The following CTNNA2 variants were observed in gnomAD, a reference collection of about 807,000 sequenced individuals.
CTNNA2 encodes the protein catenin alpha-2.
In CTNNA2, 42 loss-of-function variants were observed where a neutral mutation model predicts 101.0. The ratio of observed to expected loss-of-function variants is 0.42; its 90% CI spans 0.32 to 0.54. The LOEUF is 0.54. CTNNA2 is among the 20% of genes least tolerant of loss of function. The pLI is 0.14. For synonymous variants in CTNNA2, 450 were observed against 456.4 expected, an observed-to-expected ratio of 0.99 and a Z score of 0.18; for missense variants, 871 against 1,223.1, an observed-to-expected ratio of 0.71 and a Z score of 4.29.
At chr2:80,095,177 C>T (rs1700067226) in intron 7 of CTNNA2, among the ~76,000 whole-genome samples, 4 of 152,160 alleles carry the variant, frequency 2.6e-5, no homozygotes, top group Non-Finnish European at 5.9e-5. Flanking sequence ...AGATATGTCC[C>T]ATCAATACCT....
intron 4 of CTNNA2, among the ~76,000 whole-genome samples, chr2:79,449,492 C>T (rs1390143378): frequency 6.6e-6 from 1 of 151,866 alleles, no homozygotes; most frequent in Non-Finnish European, 1.5e-5. Flanking sequence ...AAGAAATACT[C>T]ATTCAAATAA....
rs1706474838 is a variant in CTNNA2 at position 80,191,162 on chromosome 2, CTT to C, written c.1057-202048_1057-202047del. Among the ~76,000 whole-genome samples the C allele has an allele frequency of 2.0e-5, 3 of 152,142 alleles. No individual in the cohort carries two copies. In the South Asian group the frequency reaches 6.2e-4, roughly 31 times the overall value. Reference sequence around the variant, plus strand: ...AGGAGATGACCACTTTTGTGCTTTCCTTGTCTGAGGAAATTTGCAATTTGCCA... The same window carrying C: ...AGGAGATGACCACTTTTGTGCTTTCCGTCTGAGGAAATTTGCAATTTGCCA... On this transcript the variant is annotated intron_variant, in intron 7 of 18. Transcript: ENST00000402739.
In CTNNA2 at chr2:79,447,003, G is replaced by A. The variant is rs529721942; in HGVS notation, c.-134-58051G>A. On this transcript the variant is annotated intron_variant, in intron 4 of 21. Transcript: ENST00000466387. The stretch of plus-strand genomic sequence containing the variant: ...TAATGGCTTTGATAAATAATGGCCT[G>A]AATATATAGATGTACAGTTCCAAAT... Among the ~76,000 whole-genome samples the A allele has an allele frequency of 1.6e-4, 24 of 152,054 alleles. No homozygotes were observed. The South Asian group carries it at 2.7e-3, about 17-fold the overall frequency.
chr2:79,488,350 T>TCAAACACA (rs1238386288), intron 4 of CTNNA2, among the ~76,000 whole-genome samples: 6 of 147,716 alleles, frequency 4.1e-5, no homozygotes, highest in Admixed American at 1.3e-4. Context: ...AAAACACAGT[T>TCAAACACA]CAAACACATG....
chr2:80,281,937 T>C (rs905053549), intron 7 of CTNNA2, among the ~76,000 whole-genome samples: 1 of 149,276 alleles, frequency 6.7e-6, no homozygotes, highest in East Asian at 1.9e-4. Flanking sequence ...AATAGGTTTT[T>C]GGAAAGTTTT....
At chr2:80,162,679 G>A (rs563665035) in intron 7 of CTNNA2, 948 of 1,612,482 alleles carry the variant, frequency 5.9e-4, no homozygotes, top group Non-Finnish European at 7.6e-4. Flanking sequence ...GTACCTTGGC[G>A]CCACTGGGAG....
At chr2:79,324,462 A>G (rs951068451) in intron 3 of CTNNA2, among the ~76,000 whole-genome samples, 5 of 152,262 alleles carry the variant, frequency 3.3e-5, no homozygotes, top group Middle Eastern at 3.4e-3. Flanking sequence ...TTGGGTGTGG[A>G]CTTAACCACC....
intron 2 of CTNNA2, among the ~76,000 whole-genome samples, chr2:79,683,653 C>T (rs978440099): frequency 1.3e-5 from 2 of 152,230 alleles, no homozygotes; most frequent in African/African-American, 2.4e-5. Context: ...ACCAGAGGCT[C>T]TACTTTGCCA....
chr2:79,851,402 ATGTAT>A (rs1239670309), intron 3 of CTNNA2, among the ~76,000 whole-genome samples: 2 of 152,308 alleles, frequency 1.3e-5, no homozygotes, highest in East Asian at 3.9e-4. Flanking sequence ...AGATTCTGTT[ATGTAT>A]TTTCCTTCAC....
chr2:79,984,794 T>C (rs1342777762), intron 7 of CTNNA2, among the ~76,000 whole-genome samples: 2 of 152,162 alleles, frequency 1.3e-5, no homozygotes, highest in African/African-American at 2.4e-5. Context: ...CTATATCCTC[T>C]GATCAGCAGC....
At chr2:79,820,625 CA>C (rs1677926196) in intron 3 of CTNNA2, among the ~76,000 whole-genome samples, 1 of 152,038 alleles carries the variant, frequency 6.6e-6, no homozygotes, top group East Asian at 1.9e-4. Context: ...CAAGTGTTCA[CA>C]TAATTTTATT....
chr2:79,210,718 C>G (rs1674160406), intron 2 of CTNNA2, among the ~76,000 whole-genome samples: 1 of 152,180 alleles, frequency 6.6e-6, no homozygotes, highest in South Asian at 2.1e-4. Flanking sequence ...CACCAAGTTA[C>G]TCCTCCAGAT....
intron 7 of CTNNA2, among the ~76,000 whole-genome samples, chr2:80,150,752 AC>A: frequency 6.6e-6 from 1 of 152,306 alleles, no homozygotes; most frequent in East Asian, 1.9e-4. Context: ...CAATGCTAGA[AC>A]AAAAACTTCA....
At chr2:80,444,364 G>T (rs565828813) in intron 9 of CTNNA2, among the ~76,000 whole-genome samples, 1 of 152,298 alleles carries the variant, frequency 6.6e-6, no homozygotes, top group African/African-American at 2.4e-5. Context: ...GATAGGTAGG[G>T]AAGACAATAT....
intron 4 of CTNNA2, among the ~76,000 whole-genome samples, chr2:79,418,042 G>A (rs913767943): frequency 1.3e-5 from 2 of 152,094 alleles, no homozygotes; most frequent in African/African-American, 2.4e-5. Flanking sequence ...GGTATGGGGA[G>A]TGCTGATTGC....
At chr2:79,480,729 T>C (rs932906004) in intron 4 of CTNNA2, among the ~76,000 whole-genome samples, 4 of 152,338 alleles carry the variant, frequency 2.6e-5, no homozygotes, top group African/African-American at 9.6e-5. Flanking sequence ...TGCTAAACAC[T>C]CTGGTACTTC....
rs556142029 is a variant in CTNNA2 at position 80,022,536 on chromosome 2, C to T, written c.1056+112739C>T. Among the ~76,000 whole-genome samples the T allele has an allele frequency of 2.0e-5, 3 of 152,114 alleles. No homozygotes were observed. In the South Asian group the frequency reaches 6.2e-4, roughly 32 times the overall value. On this transcript the variant is annotated intron_variant, in intron 7 of 18. Coordinates refer to ENST00000402739, the MANE Select transcript of CTNNA2 (RefSeq NM_001282597.3). Reference sequence around the variant, plus strand: ...ATCCTGGTACTTTGGGAGGCTGAGGCAGGAGGATTGCTGGGGGCAGGAGTT... The same window carrying T: ...ATCCTGGTACTTTGGGAGGCTGAGGTAGGAGGATTGCTGGGGGCAGGAGTT...
intron 7 of CTNNA2, among the ~76,000 whole-genome samples, chr2:79,921,073 G>A (rs1305613091): frequency 1.3e-5 from 2 of 152,162 alleles, no homozygotes; most frequent in Non-Finnish European, 2.9e-5. Flanking sequence ...GAGATACATC[G>A]ACAGAAGACA....
chr2:79,781,857 A>G (rs960478301), intron 3 of CTNNA2, among the ~76,000 whole-genome samples: 9 of 152,342 alleles, frequency 5.9e-5, no homozygotes, highest in African/African-American at 2.2e-4. Flanking sequence ...TCAAATTATG[A>G]GATCCAGAGA....
Sources: allele counts gnomAD v4.1 joint callset (sites outside exome capture counted in the v4.1 genomes callset), GRCh38; gene constraint gnomAD v4.1.1; transcripts MANE v1.5; gene names NCBI Gene and HGNC (gene_info 2026-07-23, HGNC 2026-07-21).